Variants in USH2A observed in about 807,000 individuals in gnomAD.
USH2A encodes Usher syndrome 2A (autosomal recessive, mild).
In USH2A, 443 loss-of-function variants were observed where a neutral mutation model predicts 538.9. The observed-to-expected ratio is 0.82, with a 90% confidence interval of 0.76 to 0.89. USH2A has a LOEUF of 0.89. Ranked by LOEUF, USH2A falls within the 40% of genes least tolerant of loss-of-function variation. The pLI, the probability that USH2A is intolerant of heterozygous loss-of-function variation, is 0.00. For synonymous variants in USH2A, 2,413 were observed against 2,273.5 expected, an observed-to-expected ratio of 1.06 and a Z score of -1.75; for missense variants, 6,633 against 6,324.8, an observed-to-expected ratio of 1.05 and a Z score of -1.65.
intron 49 of USH2A, among the ~76,000 whole-genome samples, chr1:215,800,394 T>C (rs1200764194): frequency 6.6e-6 from 1 of 152,180 alleles, no homozygotes; most frequent in Non-Finnish European, 1.5e-5. Flanking sequence ...TCATTATATC[T>C]TATAAGGTAT....
intron 3 of USH2A, among the ~76,000 whole-genome samples, chr1:216,369,409 A>T (rs902205399): frequency 6.6e-6 from 1 of 152,054 alleles, no homozygotes; most frequent in Non-Finnish European, 1.5e-5. Flanking sequence ...TCTAACCTTC[A>T]CCAACAGCCG....
At chr1:216,350,947 C>A (rs1202491363) in intron 4 of USH2A, among the ~76,000 whole-genome samples, 2 of 151,986 alleles carry the variant, frequency 1.3e-5, no homozygotes, top group African/African-American at 4.8e-5. Flanking sequence ...ACTGCCTGGA[C>A]ACCCAGGCTT....
At chr1:215,781,269 A>G (rs1661627364) in intron 54 of USH2A, among the ~76,000 whole-genome samples, 1 of 152,184 alleles carries the variant, frequency 6.6e-6, no homozygotes, top group Non-Finnish European at 1.5e-5. Context: ...ATAAAGTGCC[A>G]AGTACTATCT....
At chr1:216,355,875 C>T (rs1019525962) in intron 4 of USH2A, among the ~76,000 whole-genome samples, 1 of 151,966 alleles carries the variant, frequency 6.6e-6, no homozygotes, top group Non-Finnish European at 1.5e-5. Context: ...TTTTAAGTAT[C>T]ACAGTCAATA....
chr1:216,236,675 C>G (rs936085504), intron 13 of USH2A, among the ~76,000 whole-genome samples: 3 of 152,030 alleles, frequency 2.0e-5, no homozygotes, highest in Non-Finnish European at 4.4e-5. Flanking sequence ...TCAGAGTGGC[C>G]TGTCCTATCA....
chr1:215,785,932 T>TACAC (rs10638003), intron 52 of USH2A, among the ~76,000 whole-genome samples: 7,795 of 146,408 alleles, frequency 0.053, 389 homozygotes, highest in African/African-American at 0.13. Flanking sequence ...TGATAGATGA[T>TACAC]ACACACACAC....
chr1:216,282,862 CTATT>C lies in USH2A; in HGVS notation c.1971+6414_1971+6417del, dbSNP rs147059708. ...TGATACATGAGCATTGGGTGTCATTCTATTTATTTAGTTCTTCTTTATTTCAGCA... is the reference window on the plus strand; with the variant it reads ...TGATACATGAGCATTGGGTGTCATTCTATTTAGTTCTTCTTTATTTCAGCA... On this transcript the variant is annotated intron_variant, in intron 11 of 71. Transcript: ENST00000307340. 4.9e-3 allele frequency among the ~76,000 whole-genome samples: 751 copies of C among 152,118 alleles called. 6 individuals are homozygous for C. The highest frequency in any genetic ancestry group is 0.018 in the African/African-American group (732 of 41,516).
intron 11 of USH2A, among the ~76,000 whole-genome samples, chr1:216,273,402 G>C (rs1313855755): frequency 6.6e-6 from 1 of 152,018 alleles, no homozygotes; most frequent in African/African-American, 2.4e-5. Context: ...ATCATTGAGA[G>C]TGGATGGGTA....
At chr1:216,003,012 C>T (rs1023255773) in intron 32 of USH2A, among the ~76,000 whole-genome samples, 4 of 152,038 alleles carry the variant, frequency 2.6e-5, no homozygotes, top group Admixed American at 6.6e-5. Context: ...CCAGAATATC[C>T]GCCTCAGATG....
At chr1:215,706,500 A>G (rs1394724249) in intron 61 of USH2A, among the ~76,000 whole-genome samples, 1 of 152,192 alleles carries the variant, frequency 6.6e-6, no homozygotes, top group Non-Finnish European at 1.5e-5. Flanking sequence ...TGTTGAGGCT[A>G]AGATAAAAGC....
chr1:215,675,005 C>T lies in USH2A; in HGVS notation c.12906G>A (p.Arg4302=). 6.2e-7 allele frequency: 1 copy of T among 1,614,168 alleles called. No homozygotes were observed. Among genetic ancestry groups the T allele is most frequent in the East Asian group, 2.2e-5 (1 of 44,866 alleles). Residue 4302 remains arginine, a synonymous_variant, in exon 63 of 72, where the codon AGG becomes AGA. Coordinates refer to ENST00000307340, the MANE Select transcript of USH2A (RefSeq NM_206933.4). ...AGCTAAAAGGATAGAGCATTTCATT[C>T]CTTTGAAGCCTATAGGACTGGATAA... ...NGIIQSYRLQ[R]NEMLYPFSFD... is the part of the protein sequence containing the mutation.
At chr1:216,023,872 C>A (rs1668902831) in intron 32 of USH2A, among the ~76,000 whole-genome samples, 1 of 151,756 alleles carries the variant, frequency 6.6e-6, no homozygotes, top group Non-Finnish European at 1.5e-5. Flanking sequence ...CAGATGTATG[C>A]ACATAGTGAA....
At chr1:215,991,355 G>A (rs1014672831) in intron 35 of USH2A, among the ~76,000 whole-genome samples, 8 of 152,022 alleles carry the variant, frequency 5.3e-5, no homozygotes, top group Admixed American at 3.3e-4. Flanking sequence ...TGGGGACTTC[G>A]AAGACAGATG....
At chr1:215,862,242 A>C (rs1664336275) in intron 44 of USH2A, among the ~76,000 whole-genome samples, 1 of 152,188 alleles carries the variant, frequency 6.6e-6, no homozygotes, top group African/African-American at 2.4e-5. Context: ...CTCACTGTAG[A>C]AATGCTTTTA....
chr1:215,969,490 T>G (rs182584413), intron 36 of USH2A, among the ~76,000 whole-genome samples: 171 of 152,172 alleles, frequency 1.1e-3, no homozygotes, highest in Non-Finnish European at 1.5e-4. Context: ...ATTTGCAGCT[T>G]ACATTTTCAA....
intron 64 of USH2A, among the ~76,000 whole-genome samples, chr1:215,665,946 A>C (rs1657590660): frequency 6.6e-6 from 1 of 152,236 alleles, no homozygotes; most frequent in Non-Finnish European, 1.5e-5. Flanking sequence ...TGGTAAACTA[A>C]GTTGCATTTG....
At chr1:216,186,664 C>T (rs555536996) in intron 20 of USH2A, among the ~76,000 whole-genome samples, 7 of 151,964 alleles carry the variant, frequency 4.6e-5, no homozygotes, top group Admixed American at 1.3e-4. Flanking sequence ...TTTTTAAGCC[C>T]CAGATTTGCA....
rs896126263 is a variant in USH2A, at chr1:216,005,313, C to T, written c.6326-4751G>A. Among the ~76,000 whole-genome samples the T allele has an allele frequency of 3.9e-5, 6 of 152,240 alleles. No homozygotes were observed. In the East Asian group the frequency reaches 1.2e-3, roughly 29 times the overall value. ...TGAACAATATGGCCACCATCATCCCCAGGTTCTTGTTATATCACCTTGTTT... is the reference window on the plus strand; with the variant it reads ...TGAACAATATGGCCACCATCATCCCTAGGTTCTTGTTATATCACCTTGTTT... On this transcript the variant is annotated intron_variant, in intron 32 of 71. Coordinates refer to ENST00000307340, the MANE Select transcript of USH2A (RefSeq NM_206933.4).
intron 30 of USH2A, among the ~76,000 whole-genome samples, chr1:216,053,627 A>G (rs963514266): frequency 1.3e-5 from 2 of 152,136 alleles, no homozygotes; most frequent in Non-Finnish European, 2.9e-5. Context: ...AACATTCAAT[A>G]AGCATAAAGT....
Sources: allele counts gnomAD v4.1 joint callset (sites outside exome capture counted in the v4.1 genomes callset), GRCh38; gene constraint gnomAD v4.1.1; transcripts MANE v1.5; gene names NCBI Gene and HGNC (gene_info 2026-07-23, HGNC 2026-07-21).